Variants in MGAT4C observed in about 807,000 individuals in gnomAD.
MGAT4C encodes MGAT4 family member C, also known as alpha-1,3-mannosyl-glycoprotein 4-beta-N-acetylglucosaminyltransferase C.
Under a neutral mutation model 40.1 loss-of-function variants are expected in MGAT4C, and 19 were observed. That is an observed-to-expected ratio of 0.47 (90% CI 0.33 to 0.70). The LOEUF (loss-of-function observed/expected upper bound fraction) is 0.70. Ranked by LOEUF, MGAT4C falls within the 30% of genes least tolerant of loss-of-function variation. MGAT4C has a pLI of 0.02. For missense variants in MGAT4C, 491 were observed against 563.2 expected (o/e 0.87, Z 1.30); for synonymous variants, 181 against 187.1 (o/e 0.97, Z 0.27).
At position 86,648,943 on chromosome 12, in the gene MGAT4C, G is replaced by A. The variant is rs374889961; in HGVS notation, c.-229+78266C>T. On this transcript the variant is annotated intron_variant, in intron 2 of 7. Coordinates refer to the MGAT4C transcript ENST00000548651. ...TTTTCCTATGTATACTCTGAAATTG[G>A]AGTTCTTAATTTCAATGCATTTTTG... Among the ~76,000 whole-genome samples the A allele has an allele frequency of 6.6e-5, 10 of 151,760 alleles. No homozygotes were observed. In the South Asian group the frequency reaches 8.3e-4, roughly 13 times the overall value.
chr12:86,212,529 C>T (rs933633312), intron 1 of MGAT4C, among the ~76,000 whole-genome samples: 3 of 151,774 alleles, frequency 2.0e-5, no homozygotes, highest in Non-Finnish European at 4.4e-5. Context: ...CTTCAATATC[C>T]ATTCTTATTG....
chr12:86,045,649 ACTGT>A (rs1443612218), intron 2 of MGAT4C, among the ~76,000 whole-genome samples: 1 of 152,134 alleles, frequency 6.6e-6, no homozygotes, highest in Non-Finnish European at 1.5e-5. Flanking sequence ...CTGATCTCCT[ACTGT>A]CTATTTTGAT....
intron 1 of MGAT4C, among the ~76,000 whole-genome samples, chr12:86,228,259 A>C (rs541927557): frequency 6.6e-6 from 1 of 152,004 alleles, no homozygotes; most frequent in South Asian, 2.1e-4. Flanking sequence ...TATCTAATAG[A>C]AAGAGAGGAT....
At chr12:86,774,313 T>C (rs1951699143) in intron 1 of MGAT4C, among the ~76,000 whole-genome samples, 1 of 35,946 alleles carries the variant, frequency 2.8e-5, no homozygotes, top group South Asian at 1.9e-3. Flanking sequence ...CTTTCTTTCT[T>C]TCTTTCTTTC....
At position 86,606,157 on chromosome 12, in the gene MGAT4C, C is replaced by A. The variant is rs183293141; in HGVS notation, c.-229+121052G>T. On this transcript the variant is annotated intron_variant, in intron 2 of 7. Coordinates refer to the MGAT4C transcript ENST00000548651. ...GGAAACCACCCCCATGATTCAGTTA[C>A]CTTCACCTGGTCTATTTTTTGACGC... is the stretch of plus-strand genomic sequence containing the variant. Among the ~76,000 whole-genome samples the A allele has an allele frequency of 3.3e-5, 5 of 152,138 alleles. No homozygotes were observed. In the East Asian group the frequency reaches 7.8e-4, roughly 24 times the overall value.
intron 2 of MGAT4C, among the ~76,000 whole-genome samples, chr12:86,562,960 T>C (rs997323233): frequency 6.6e-6 from 1 of 152,146 alleles, no homozygotes; most frequent in African/African-American, 2.4e-5. Context: ...ATGGCCCATT[T>C]TGAGTGAGCT....
At chr12:86,768,168 G>C in intron 1 of MGAT4C, among the ~76,000 whole-genome samples, 1 of 152,156 alleles carries the variant, frequency 6.6e-6, no homozygotes, top group Non-Finnish European at 1.5e-5. Flanking sequence ...CTTCAGCAAA[G>C]TCTCAGGATA....
At chr12:86,525,123 T>C (rs1958858891) in intron 2 of MGAT4C, among the ~76,000 whole-genome samples, 1 of 152,208 alleles carries the variant, frequency 6.6e-6, no homozygotes, top group Non-Finnish European at 1.5e-5. Context: ...TCTTGAATTG[T>C]AATCTCCACA....
intron 2 of MGAT4C, among the ~76,000 whole-genome samples, chr12:86,447,952 C>T (rs1171233765): frequency 1.3e-5 from 2 of 152,116 alleles, no homozygotes; most frequent in Non-Finnish European, 2.9e-5. Flanking sequence ...TTCAGCAATT[C>T]TGATTCGCCT....
intron 3 of MGAT4C, among the ~76,000 whole-genome samples, chr12:86,360,741 T>C (rs919732014): frequency 6.6e-6 from 1 of 152,140 alleles, no homozygotes; most frequent in Non-Finnish European, 1.5e-5. Flanking sequence ...TCACAATTGC[T>C]TGAAAGAGAA....
chr12:86,551,848 AC>A (rs897073178), intron 2 of MGAT4C, among the ~76,000 whole-genome samples: 1 of 152,126 alleles, frequency 6.6e-6, no homozygotes, highest in African/African-American at 2.4e-5. Flanking sequence ...ATCTGAAGAA[AC>A]TACACAGAGA....
intron 2 of MGAT4C, among the ~76,000 whole-genome samples, chr12:86,474,656 G>T (rs1171969768): frequency 6.6e-6 from 1 of 151,898 alleles, no homozygotes; most frequent in Non-Finnish European, 1.5e-5. Flanking sequence ...AAATGACAAG[G>T]ATTCATACTC....
At chr12:86,715,228 ATTAC>A (rs1334482383) in intron 2 of MGAT4C, among the ~76,000 whole-genome samples, 7 of 152,148 alleles carry the variant, frequency 4.6e-5, no homozygotes, top group African/African-American at 2.4e-5. Context: ...TGTCTTTTCT[ATTAC>A]TTAAACATAC....
intron 2 of MGAT4C, among the ~76,000 whole-genome samples, chr12:86,536,873 T>C (rs1565833335): frequency 6.6e-6 from 1 of 152,224 alleles, no homozygotes; most frequent in African/African-American, 2.4e-5. Flanking sequence ...ACTGGGTATA[T>C]ACCCAAAGGA....
At chr12:86,314,754 C>T (rs1954160577) in intron 4 of MGAT4C, among the ~76,000 whole-genome samples, 1 of 152,146 alleles carries the variant, frequency 6.6e-6, no homozygotes, top group African/African-American at 2.4e-5. Flanking sequence ...TACAGTAACC[C>T]CTAACATTAA....
chr12:86,375,667 T>C (rs915245963), intron 3 of MGAT4C, among the ~76,000 whole-genome samples: 6 of 152,034 alleles, frequency 3.9e-5, no homozygotes, highest in African/African-American at 1.4e-4. Context: ...TTTTCTACTT[T>C]CAAATATTAA....
At chr12:86,609,185 C>A (rs1235420540) in intron 2 of MGAT4C, among the ~76,000 whole-genome samples, 1 of 151,966 alleles carries the variant, frequency 6.6e-6, no homozygotes, top group African/African-American at 2.4e-5. Context: ...AAAAAACATG[C>A]AAAATTATTG....
chr12:86,085,800 C>A lies in MGAT4C; in HGVS notation c.-56-36077G>T, dbSNP rs117861356. ...ACATATATAAGAAAAAGCTCGTAAT[C>A]ACTGGTCATTAGAGAAATGCAAAGC... On this transcript the variant is annotated intron_variant, in intron 1 of 4. Transcript: ENST00000611864. 7.5e-3 allele frequency among the ~76,000 whole-genome samples: 1,134 copies of A among 152,212 alleles called. 9 individuals carry two copies. Among genetic ancestry groups the A allele is most frequent in the Non-Finnish European group, 0.011 (771 of 67,996 alleles).
At chr12:86,362,048 G>T (rs1010934113) in intron 3 of MGAT4C, among the ~76,000 whole-genome samples, 5 of 152,174 alleles carry the variant, frequency 3.3e-5, no homozygotes, top group Non-Finnish European at 1.5e-5. Flanking sequence ...TATATTTATT[G>T]TGGCACTATT....
Sources: allele counts gnomAD v4.1 joint callset (sites outside exome capture counted in the v4.1 genomes callset), GRCh38; gene constraint gnomAD v4.1.1; transcripts MANE v1.5; gene names NCBI Gene and HGNC (gene_info 2026-07-23, HGNC 2026-07-21).